AFG2A: variants seen among roughly 807,000 people sequenced by gnomAD.
The protein encoded by AFG2A is AAA ATPase AFG2A, also known as ATPase family gene 2 protein homolog A.
chr4:122,964,632 A>G, the AFG2A span, among the ~76,000 whole-genome samples: 1 of 152,178 alleles, frequency 6.6e-6, no homozygotes, highest in African/African-American at 2.4e-5. Flanking sequence ...TTTAAACTCA[A>G]GCAGTTAGTG....
the AFG2A span, among the ~76,000 whole-genome samples, chr4:123,092,161 T>C: frequency 6.6e-6 from 1 of 152,182 alleles, no homozygotes; most frequent in Non-Finnish European, 1.5e-5. Context: ...AAGGCATCTC[T>C]GAAGTCTATA....
chr4:122,991,523 T>A, the AFG2A span, among the ~76,000 whole-genome samples: 3 of 152,298 alleles, frequency 2.0e-5, no homozygotes, highest in African/African-American at 7.2e-5. Flanking sequence ...CTCAGAACTG[T>A]CAGAAATAAT....
At chr4:123,196,006 GT>G in the AFG2A span, among the ~76,000 whole-genome samples, 131,610 of 142,652 alleles carry the variant, frequency 0.92, 60,783 homozygotes, top group East Asian at 0.98. Flanking sequence ...TACCATCCTT[GT>G]TTTTTTTTTT....
the AFG2A span, among the ~76,000 whole-genome samples, chr4:123,045,137 A>C: frequency 6.6e-6 from 1 of 151,422 alleles, no homozygotes; most frequent in African/African-American, 2.4e-5. Context: ...TTTGTATTGA[A>C]CTTTTTTTCT....
At chr4:123,227,536 A>T in the AFG2A span, among the ~76,000 whole-genome samples, 2 of 152,174 alleles carry the variant, frequency 1.3e-5, no homozygotes, top group African/African-American at 4.8e-5. Flanking sequence ...TGAGTTTCTT[A>T]ATCCTGAGTT....
chr4:123,267,480 AC>A, the AFG2A span, among the ~76,000 whole-genome samples: 1 of 152,058 alleles, frequency 6.6e-6, no homozygotes, highest in African/African-American at 2.4e-5. Context: ...TGGAAGTTCC[AC>A]ATCATAAATT....
At chr4:123,130,922 T>C in the AFG2A span, among the ~76,000 whole-genome samples, 2 of 140,452 alleles carry the variant, frequency 1.4e-5, no homozygotes, top group Non-Finnish European at 3.1e-5. Context: ...TGCTTGTTAT[T>C]GTCAGTGTTT....
the AFG2A span, among the ~76,000 whole-genome samples, chr4:123,013,169 T>C: frequency 6.6e-6 from 1 of 151,808 alleles, no homozygotes; most frequent in Admixed American, 6.6e-5. Context: ...GGGTGCTCAG[T>C]GGGGGAGCTT....
At chr4:123,220,036 A>AT in the AFG2A span, among the ~76,000 whole-genome samples, 2 of 151,732 alleles carry the variant, frequency 1.3e-5, no homozygotes, top group African/African-American at 4.8e-5. Context: ...TGCCCAGCTA[A>AT]TTTTTTGTAT....
the AFG2A span, among the ~76,000 whole-genome samples, chr4:123,127,677 T>C: frequency 1.2e-4 from 19 of 152,338 alleles, no homozygotes; most frequent in African/African-American, 4.6e-4. Flanking sequence ...AAGCAGTATT[T>C]CTGTTAAATT....
chr4:123,057,376 C>A, the AFG2A span: 1 of 1,355,142 alleles, frequency 7.4e-7, no homozygotes, highest in Non-Finnish European at 1.0e-6. Flanking sequence ...ATTTTGTATA[C>A]AACTTTTATC....
At chr4:123,193,595 A>C in the AFG2A span, among the ~76,000 whole-genome samples, 6 of 152,250 alleles carry the variant, frequency 3.9e-5, no homozygotes, top group South Asian at 2.1e-4. Flanking sequence ...AATAAGACTG[A>C]AACCCACAGC....
At chr4:122,939,271 G>A in the AFG2A span, among the ~76,000 whole-genome samples, 7 of 151,844 alleles carry the variant, frequency 4.6e-5, no homozygotes, top group African/African-American at 1.7e-4. Context: ...TTTTAGTAGA[G>A]ACGGGGTTTC....
the AFG2A span, among the ~76,000 whole-genome samples, chr4:123,188,816 G>T: frequency 9.9e-5 from 15 of 152,144 alleles, no homozygotes; most frequent in African/African-American, 3.6e-4. Context: ...AATAGTATTG[G>T]TTTATTGGGC....
chr4:123,131,831 T>C, the AFG2A span, among the ~76,000 whole-genome samples: 1 of 138,588 alleles, frequency 7.2e-6, no homozygotes, highest in African/African-American at 2.5e-5. Context: ...TTTTTTGATA[T>C]GTACTCAGAA....
chr4:123,098,980 A>G, the AFG2A span, among the ~76,000 whole-genome samples: 2 of 151,976 alleles, frequency 1.3e-5, no homozygotes, highest in African/African-American at 4.8e-5. Context: ...TGTTCCTACC[A>G]ACAGTGTACA....
At chr4:123,316,318 CAT>C in the AFG2A span, 1 of 152,152 alleles carries the variant, frequency 6.6e-6, no homozygotes, top group African/African-American at 2.4e-5. Context: ...GTTTATCAGA[CAT>C]ATCAGCCACA....
At chr4:123,203,250 A>G in the AFG2A span, among the ~76,000 whole-genome samples, 3 of 151,882 alleles carry the variant, frequency 2.0e-5, no homozygotes, top group South Asian at 6.2e-4. Flanking sequence ...TCCCAGGTTC[A>G]AGTGATTCTC....
the AFG2A span, among the ~76,000 whole-genome samples, chr4:123,085,447 T>A: frequency 3.3e-5 from 5 of 152,208 alleles, no homozygotes; most frequent in African/African-American, 1.2e-4. Flanking sequence ...TATCATTATA[T>A]AATACCCCTT....
Sources: allele counts gnomAD v4.1 joint callset (sites outside exome capture counted in the v4.1 genomes callset), GRCh38; gene constraint gnomAD v4.1.1; transcripts MANE v1.5; gene names NCBI Gene and HGNC (gene_info 2026-07-23, HGNC 2026-07-21).